Variants in AHNAK2 observed in about 807,000 individuals in gnomAD.
AHNAK2 encodes AHNAK nucleoprotein 2.
Under a neutral mutation model 30.7 loss-of-function variants are expected in AHNAK2, and 18 were observed. The observed-to-expected ratio is 0.59, with a 90% CI of 0.41 to 0.87. The LOEUF (loss-of-function observed/expected upper bound fraction) is 0.87. Among genes scored for constraint, AHNAK2 ranks in the 40% least tolerant of loss-of-function variants. The pLI is 0.00. For synonymous variants in AHNAK2, 3,590 were observed against 3,073.8 expected, an observed-to-expected ratio of 1.17 and a Z score of -5.56; for missense variants, 8,604 against 7,373.0, an observed-to-expected ratio of 1.17 and a Z score of -6.11.
chr14:104,977,714 G>T (rs1386336949), intron 1 of AHNAK2, among the ~76,000 whole-genome samples: 1 of 152,204 alleles, frequency 6.6e-6, no homozygotes, highest in Admixed American at 6.5e-5. Context: ...GAGAGGGCAA[G>T]CCTGGTGCAG....
intron 1 of AHNAK2, among the ~76,000 whole-genome samples, chr14:104,961,305 G>A (rs1270445440): frequency 1.3e-5 from 2 of 151,688 alleles, no homozygotes; most frequent in Non-Finnish European, 2.9e-5. Flanking sequence ...ACGAGGTCAG[G>A]AGATCAAAAC....
Position 104,954,243 on chromosome 14 carries a change from C to T in AHNAK2, c.1208G>A (p.Arg403Lys), listed in dbSNP as rs201266243. ...TTCCTGAGGGGTTCCCTCGCAAAGT[C>T]TAGGGTCACCGAGCTCTGTGGGCAA... Reference protein sequence around the residue: ...MPLPTELGDPRLCEGTPQEGG... With the variant: ...MPLPTELGDPKLCEGTPQEGG... Residue 403 changes from arginine to lysine, a missense_variant, in exon 7 of 7, where the codon AGA becomes AAA. Physicochemically the swap from Arg to Lys is conservative, Grantham distance 26 (BLOSUM62 2). Coordinates refer to ENST00000333244, the MANE Select transcript of AHNAK2 (RefSeq NM_138420.4). The surrounding 1 kb of genome is among the most constrained non-coding windows in gnomAD (Gnocchi z 4.3). The T allele has an allele frequency of 1.2e-4, 190 of 1,612,472 alleles. No homozygotes were observed. The African/African-American group carries it at 1.7e-3, about 15-fold the overall frequency.
rs201721311 is a variant in AHNAK2, at chr14:104,942,233, G to A, written c.13218C>T (p.Pro4406=). Residue 4406 remains proline (P), a synonymous_variant, in exon 7 of 7, where the codon CCC becomes CCT. Coordinates refer to ENST00000333244, the MANE Select transcript of AHNAK2 (RefSeq NM_138420.4). The part of the protein sequence containing the change: ...LKGPQIDVNV[P]KLDLKGPKVE... The stretch of plus-strand genomic sequence containing the variant: ...CCTTGGGGCCTTTCAGGTCCAGCTT[G>A]GGGACATTAACGTCTATCTGGGGAC... 3 of 1,613,132 alleles carry A rather than the reference G, an allele frequency of 1.9e-6. No individual in the cohort carries two copies. Among genetic ancestry groups the A allele is most frequent in the Non-Finnish European group, 2.5e-6 (3 of 1,179,784 alleles).
In AHNAK2 at chr14:104,951,062, G is replaced by C. The variant is rs767646575; in HGVS notation, c.4389C>G (p.Val1463=). 1.0e-5 allele frequency: 11 copies of C among 1,062,324 alleles called. 2 individuals are homozygous for C. The East Asian group carries it at 2.1e-4, about 20-fold the overall frequency. 65.8% of individuals were successfully genotyped at this position (1,062,324 alleles called of 1,614,324 possible). A position where few individuals can be genotyped will look rare whatever the true frequency, so the allele number is the denominator to read the frequency against. Residue 1463 remains valine, a synonymous_variant, in exon 7 of 7, where the codon GTC becomes GTG. Transcript: ENST00000333244. ...CATCCAGCTTGGCTCCTGGGGCCTC[G>C]ACATCCACCTCCACGCTGGGCAGAG... ...EVSLPSVEVD[V]EAPGAKLDGG...
Position 104,950,407 on chromosome 14 carries a change from C to A in AHNAK2, c.5044G>T (p.Asp1682Tyr). 1 of 1,587,154 alleles carries A rather than the reference C, an allele frequency of 6.3e-7. No homozygotes were observed. Among genetic ancestry groups the A allele is most frequent in the Non-Finnish European group, 8.6e-7 (1 of 1,163,002 alleles). Reference sequence around the variant, plus strand: ...GCTTCCACCTTCGGCTCAGACACATCCACCGAGGCCTCGATGGACTTGCCT... The same window carrying A: ...GCTTCCACCTTCGGCTCAGACACATACACCGAGGCCTCGATGGACTTGCCT... ...APGKSIEASVDVSEPKVEADV... is the reference protein window; with the variant it reads ...APGKSIEASVYVSEPKVEADV... The change falls in exon 7 of 7, where the codon GAT (aspartate) becomes TAT (tyrosine). Residue 1682 changes from aspartate to tyrosine, a missense_variant. Coordinates refer to ENST00000333244, the MANE Select transcript of AHNAK2 (RefSeq NM_138420.4).
rs777228362 is a variant in AHNAK2 at position 104,939,678 on chromosome 14, G to A, written c.15773C>T (p.Thr5258Ile). 3.7e-6 allele frequency: 6 copies of A among 1,613,918 alleles called. No individual in the cohort carries two copies. Among genetic ancestry groups the A allele is most frequent in the Non-Finnish European group, 5.1e-6 (6 of 1,179,898 alleles). Residue 5258 changes from threonine to isoleucine, a missense_variant, in exon 7 of 7, where the codon ACA (threonine) becomes ATA (isoleucine). Thr to Ile is a moderately conservative substitution (Grantham distance 89). Transcript: ENST00000333244. ...TGTGGATGATTTGCTCTCAGAAGCT[G>A]TCACTTCTGCATCTGCCTCTGGGAG... is the stretch of plus-strand genomic sequence containing the variant. ...LQLPEADAEV[T>I]ASESKSSTDI...
intron 1 of AHNAK2, among the ~76,000 whole-genome samples, chr14:104,960,772 G>C (rs1336494401): frequency 2.0e-5 from 3 of 152,106 alleles, no homozygotes; most frequent in African/African-American, 7.2e-5. Context: ...ATTTACAATG[G>C]GTGAGTTCTA....
At chr14:104,970,405 C>A in intron 1 of AHNAK2, 1 of 985,346 alleles carries the variant, frequency 1.0e-6, no homozygotes, top group Non-Finnish European at 1.2e-6. Flanking sequence ...CACAGACCCG[C>A]GGAAGAGTGA....
At chr14:104,964,718 C>T (rs901057135) in intron 1 of AHNAK2, among the ~76,000 whole-genome samples, 2 of 152,206 alleles carry the variant, frequency 1.3e-5, no homozygotes, top group Non-Finnish European at 2.9e-5. Context: ...CGGGGGAGCC[C>T]GTCACATCCA....
rs78353106 is a variant in AHNAK2, at chr14:104,952,301, A to G, written c.3150T>C (p.Pro1050=). ...DLKTTDLSIQ[P]ASTDLKVQAD... The stretch of plus-strand genomic sequence containing the variant: ...CCTGGACCTTCAGGTCAGTAGAAGC[A>G]GGCTGAATGCTGAGGTCAGTGGTCT... The change falls in exon 7 of 7, where the codon CCT becomes CCC. Residue 1050 remains proline (P), a synonymous_variant. Transcript: ENST00000333244. The G allele has an allele frequency of 0.072, 115,787 of 1,608,126 alleles. 9,538 individuals carry two copies. Among genetic ancestry groups the G allele is most frequent in the East Asian group, 0.31 (13,801 of 44,568 alleles).
chr14:104,974,704 A>C (rs991554453), intron 1 of AHNAK2, among the ~76,000 whole-genome samples: 10 of 152,256 alleles, frequency 6.6e-5, no homozygotes, highest in African/African-American at 2.2e-4. Flanking sequence ...TTTGAGACCC[A>C]GAAGGATGGG....
intron 1 of AHNAK2, among the ~76,000 whole-genome samples, chr14:104,976,885 T>A (rs1378986301): frequency 6.6e-6 from 1 of 152,062 alleles, no homozygotes. Context: ...CCTGCAGCCA[T>A]GTGGGCAGGG....
At position 104,957,313 on chromosome 14, in the gene AHNAK2, C is replaced by T. The variant is rs182520059; in HGVS notation, c.213+97G>A. On this transcript the variant is annotated intron_variant, in intron 3 of 6. Coordinates refer to ENST00000333244, the MANE Select transcript of AHNAK2 (RefSeq NM_138420.4). ...GGGCACTGCCCAGTGGGCAGCGGGG[C>T]AGGGCAGCAAGGTTGAACAGACATG... The T allele has an allele frequency of 1.7e-4, 204 of 1,167,812 alleles. No homozygotes were observed. The East Asian group carries it at 4.6e-3, about 27-fold the overall frequency. 72.3% of individuals were successfully genotyped at this position (1,167,812 alleles called of 1,614,324 possible). A position where few individuals can be genotyped will look rare whatever the true frequency, so the allele number is the denominator to read the frequency against.
chr14:104,961,093 T>G (rs1488295193), intron 1 of AHNAK2, among the ~76,000 whole-genome samples: 1 of 151,674 alleles, frequency 6.6e-6, no homozygotes, highest in Non-Finnish European at 1.5e-5. Context: ...ATTGTTCCAC[T>G]GCACTCCAGC....
rs533426080 is a variant in AHNAK2, at chr14:104,948,461, C to T, written c.6990G>A (p.Val2330=). The change falls in exon 7 of 7, where the codon GTG becomes GTA. Residue 2330 remains valine (V), a synonymous_variant. Transcript: ENST00000333244. ...MPKFKMLSFG[V]SALGKSIEAS... Reference sequence around the variant, plus strand: ...CCTCGATGGACTTGCCAAGGGCAGACACCCCAAACGACAGCATCTTGAACT... The same window carrying T: ...CCTCGATGGACTTGCCAAGGGCAGATACCCCAAACGACAGCATCTTGAACT... 4.5e-5 allele frequency: 72 copies of T among 1,610,634 alleles called. No individual in the cohort carries two copies. The highest frequency in any genetic ancestry group is 2.7e-5 in the African/African-American group (2 of 73,928).
In AHNAK2 at chr14:104,946,970, G is replaced by A; in HGVS notation, c.8481C>T (p.Ala2827=). 2 of 1,612,592 alleles carry A rather than the reference G, an allele frequency of 1.2e-6. No homozygotes were observed. The highest frequency in any genetic ancestry group is 1.7e-6 in the Non-Finnish European group (2 of 1,179,666). The change falls in exon 7 of 7, where the codon GCC becomes GCT. Residue 2827 remains alanine (A), a synonymous_variant. Transcript: ENST00000333244. ...CCGAGGCCTCGATGGACTTGCCTGG[G>A]GCCGACACCCCGAATGACGGCATCT... is the stretch of plus-strand genomic sequence containing the variant. The part of the protein sequence containing the change: ...KFKMPSFGVS[A]PGKSIEASVD...
At chr14:104,976,717 A>C (rs1044297491) in intron 1 of AHNAK2, among the ~76,000 whole-genome samples, 8 of 152,192 alleles carry the variant, frequency 5.3e-5, no homozygotes, top group African/African-American at 1.9e-4. Context: ...CTGTGGAGGC[A>C]GGGGGTGGAT....
In AHNAK2 at chr14:104,947,371, T is replaced by C; in HGVS notation, c.8080A>G (p.Thr2694Ala). Reference sequence around the variant, plus strand: ...GAGGGGGGCTGAATGCTGATGTCAGTGGTCTTAAGGTCCCCTTGCATGGAG... The same window carrying C: ...GAGGGGGGCTGAATGCTGATGTCAGCGGTCTTAAGGTCCCCTTGCATGGAG... The part of the protein sequence containing the change: ...LPSMQGDLKT[T>A]DISIQPPSAQ... Residue 2694 changes from threonine (T) to alanine (A), a missense_variant, in exon 7 of 7, where the codon ACT becomes GCT. By Grantham distance (58) the Thr-to-Ala change is moderately conservative. Transcript: ENST00000333244. The C allele has an allele frequency of 5.6e-6, 9 of 1,612,286 alleles. No homozygotes were observed. Among genetic ancestry groups the C allele is most frequent in the Non-Finnish European group, 6.8e-6 (8 of 1,179,482 alleles).
In AHNAK2 at chr14:104,959,181, T is replaced by A. The variant is rs546341930; in HGVS notation, c.56-1509A>T. ...AAGATCTCATCTCTACAAAAAAAAA[T>A]TTTTTTTTTGAGACGGAGTCTCACT... is the stretch of plus-strand genomic sequence containing the variant. On this transcript the variant is annotated intron_variant, in intron 1 of 6. Coordinates refer to ENST00000333244, the MANE Select transcript of AHNAK2 (RefSeq NM_138420.4). 1.2e-3 allele frequency among the ~76,000 whole-genome samples: 183 copies of A among 150,848 alleles called. 1 individual carries two copies. Among genetic ancestry groups the A allele is most frequent in the South Asian group, 5.2e-3 (25 of 4,762 alleles).
Sources: gnomAD v4.1 joint callset for allele counts (sites outside exome capture counted in the v4.1 genomes callset) on GRCh38, gnomAD v4.1.1 for gene constraint, Gnocchi (gnomAD v3.1) non-coding constraint, MANE v1.5 for transcripts, NCBI Gene and HGNC (gene_info 2026-07-23, HGNC 2026-07-21) for gene names.